LDAH: variants seen among roughly 807,000 people sequenced by gnomAD.
LDAH encodes lipid droplet-associated hydrolase.
Under a neutral mutation model 29.6 loss-of-function variants are expected in LDAH, and 26 were observed. The observed-to-expected ratio is 0.88, with a 90% CI of 0.64 to 1.22. LDAH has a LOEUF of 1.22. Ranked by LOEUF, LDAH falls within the 50% of genes most tolerant of loss-of-function variation. The pLI is 0.00. For missense variants in LDAH, 344 were observed against 387.3 expected (o/e 0.89, Z 0.94); for synonymous variants, 117 against 133.0 (o/e 0.88, Z 0.83).
At chr2:20,702,451 G>A (rs1664013619) in intron 5 of LDAH, among the ~76,000 whole-genome samples, 1 of 152,098 alleles carries the variant, frequency 6.6e-6, no homozygotes, top group Non-Finnish European at 1.5e-5. Context: ...GAAAGTCTCT[G>A]TTTCTTAAAT....
At chr2:20,761,955 GAAA>G (rs956859724) in intron 4 of LDAH, among the ~76,000 whole-genome samples, 12 of 144,442 alleles carry the variant, frequency 8.3e-5, no homozygotes, top group African/African-American at 2.8e-4. Flanking sequence ...ATAAAAAATA[GAAA>G]AAAAAAACCC....
chr2:20,682,878 TC>T (rs1409767488), downstream of LDAH, among the ~76,000 whole-genome samples: 2 of 150,416 alleles, frequency 1.3e-5, no homozygotes. Context: ...ATGGGCATAG[TC>T]AGAACATCAC....
At position 20,774,927 on chromosome 2, in the gene LDAH, C is replaced by T. The variant is rs1038423610; in HGVS notation, c.351G>A (p.Glu117=). 22 of 1,613,212 alleles carry T rather than the reference C, an allele frequency of 1.4e-5. No homozygotes were observed. The highest frequency in any genetic ancestry group is 1.8e-5 in the Non-Finnish European group (21 of 1,179,762). Reference sequence around the variant, plus strand: ...GAGTTCTCAGGAAAGCTAGTTTGTGCTCTATTTGTCCATTTAGTCCATAAA... The same window carrying T: ...GAGTTCTCAGGAAAGCTAGTTTGTGTTCTATTTGTCCATTTAGTCCATAAA... ...KDIYGLNGQI[E]HKLAFLRTHV... Residue 117 remains glutamate, a synonymous_variant, in exon 4 of 7, where the codon GAG becomes GAA. Transcript: ENST00000237822.
chr2:20,730,363 C>T (rs902166717), intron 5 of LDAH, among the ~76,000 whole-genome samples: 3 of 152,122 alleles, frequency 2.0e-5, no homozygotes, highest in African/African-American at 4.8e-5. Flanking sequence ...AGGGTAGCTG[C>T]GTGTTTAGGT....
intron 2 of LDAH, among the ~76,000 whole-genome samples, chr2:20,796,655 G>A (rs531182235): frequency 5.3e-5 from 8 of 152,114 alleles, no homozygotes; most frequent in South Asian, 2.1e-4. Flanking sequence ...TCAGATATGC[G>A]TATCACAGTT....
intron 5 of LDAH, among the ~76,000 whole-genome samples, chr2:20,710,930 A>T (rs1034346660): frequency 1.3e-5 from 2 of 151,974 alleles, no homozygotes; most frequent in Non-Finnish European, 2.9e-5. Context: ...GACTTTAAGA[A>T]GGGAGGATTA....
intron 3 of LDAH, among the ~76,000 whole-genome samples, chr2:20,775,636 A>G (rs1414199278): frequency 1.3e-5 from 2 of 152,248 alleles, no homozygotes; most frequent in Non-Finnish European, 2.9e-5. Flanking sequence ...GAAATGTTAA[A>G]AACTGTCCCT....
At chr2:20,812,986 T>A (rs2125148780) in intron 1 of LDAH, among the ~76,000 whole-genome samples, 1 of 152,328 alleles carries the variant, frequency 6.6e-6, no homozygotes, top group South Asian at 2.1e-4. Flanking sequence ...ATTACGCAAT[T>A]TGCCTAAGTC....
chr2:20,726,168 C>T (rs1408550953), intron 5 of LDAH, among the ~76,000 whole-genome samples: 1 of 152,202 alleles, frequency 6.6e-6, no homozygotes. Flanking sequence ...AACTGCCTAT[C>T]AGGCTCTGGT....
chr2:20,771,932 G>A (rs930912914), intron 4 of LDAH, among the ~76,000 whole-genome samples: 1 of 152,184 alleles, frequency 6.6e-6, no homozygotes, highest in African/African-American at 2.4e-5. Context: ...AGTAGGTTAA[G>A]TTCACGTTTC....
intron 2 of LDAH, among the ~76,000 whole-genome samples, chr2:20,790,807 T>C (rs1374693502): frequency 6.6e-6 from 1 of 152,206 alleles, no homozygotes; most frequent in Non-Finnish European, 1.5e-5. Flanking sequence ...TACAGCTTGA[T>C]CTTTTGGGGA....
chr2:20,767,986 C>G (rs1669155546), intron 4 of LDAH, among the ~76,000 whole-genome samples: 1 of 152,172 alleles, frequency 6.6e-6, no homozygotes. Context: ...AGGAGCTACC[C>G]TCTCTGCTAG....
intron 4 of LDAH, among the ~76,000 whole-genome samples, chr2:20,770,835 GATTCA>G (rs1283910630): frequency 2.0e-5 from 3 of 152,056 alleles, no homozygotes; most frequent in Non-Finnish European, 4.4e-5. Flanking sequence ...CCCCACCCCA[GATTCA>G]GGCAGAGCCA....
At chr2:20,716,300 C>G (rs1301461295) in intron 5 of LDAH, among the ~76,000 whole-genome samples, 1 of 152,014 alleles carries the variant, frequency 6.6e-6, no homozygotes, top group Non-Finnish European at 1.5e-5. Flanking sequence ...CAGCACTGTT[C>G]ACAATAGCAA....
At chr2:20,721,079 C>T (rs973599411) in intron 5 of LDAH, among the ~76,000 whole-genome samples, 10 of 151,866 alleles carry the variant, frequency 6.6e-5, no homozygotes, top group African/African-American at 1.4e-4. Flanking sequence ...AGATTTTTTT[C>T]GGGTAAGACC....
intron 5 of LDAH, among the ~76,000 whole-genome samples, chr2:20,709,298 A>G (rs1350019768): frequency 6.6e-6 from 1 of 152,134 alleles, no homozygotes; most frequent in Non-Finnish European, 1.5e-5. Flanking sequence ...CATTATGTAT[A>G]TGCAAATATT....
chr2:20,799,370 A>T, intron 2 of LDAH, among the ~76,000 whole-genome samples: 1 of 152,156 alleles, frequency 6.6e-6, no homozygotes. Context: ...AGATATTGAT[A>T]TTTATGTTAT....
intron 5 of LDAH, among the ~76,000 whole-genome samples, chr2:20,704,856 C>T (rs142581376): frequency 1.6e-3 from 237 of 152,296 alleles, no homozygotes; most frequent in African/African-American, 5.6e-3. Flanking sequence ...ATTTTATTCC[C>T]AAATGTACAA....
In LDAH at chr2:20,710,336, A is replaced by G. The variant is rs1664624064; in HGVS notation, c.704-8684T>C. Among the ~76,000 whole-genome samples the G allele has an allele frequency of 2.0e-5, 3 of 152,164 alleles. No individual in the cohort carries two copies. In the South Asian group the frequency reaches 6.2e-4, roughly 32 times the overall value. On this transcript the variant is annotated intron_variant, in intron 5 of 6. Coordinates refer to ENST00000237822, the MANE Select transcript of LDAH (RefSeq NM_021925.4). ...GTCATGAATGTAGACACCTTGGACA[A>G]AATGGACAAAGTCTGCACAAAGACA...
Sources: gnomAD v4.1 joint callset for allele counts (sites outside exome capture counted in the v4.1 genomes callset) on GRCh38, gnomAD v4.1.1 for gene constraint, MANE v1.5 for transcripts, NCBI Gene and HGNC (gene_info 2026-07-23, HGNC 2026-07-21) for gene names.